The following ELMOD3 variants were observed in gnomAD, a reference collection of about 807,000 sequenced individuals.
ELMOD3 encodes the protein ELMO domain-containing protein 3.
A neutral mutation model predicts 47.4 loss-of-function variants in ELMOD3; 36 were observed. That is an observed-to-expected ratio of 0.76 (90% CI 0.58 to 1.00). The LOEUF is 1.00. Among genes scored for constraint, ELMOD3 ranks in the 50% least tolerant of loss-of-function variants. ELMOD3 has a pLI of 0.00. For synonymous variants in ELMOD3, 149 were observed against 183.5 expected, an observed-to-expected ratio of 0.81 and a Z score of 1.52; for missense variants, 404 against 463.8, an observed-to-expected ratio of 0.87 and a Z score of 1.18.
In ELMOD3 at chr2:85,390,606, C is replaced by G. The variant is rs547586185; in HGVS notation, c.944-154C>G. 2.1e-4 allele frequency: 315 copies of G among 1,524,728 alleles called. No homozygotes were observed. In the African/African-American group the frequency reaches 3.9e-3, roughly 19 times the overall value. 94.4% of individuals were successfully genotyped at this position (1,524,728 alleles called of 1,614,324 possible). A position where few individuals can be genotyped will look rare whatever the true frequency, so the allele number is the denominator to read the frequency against. ...GGCTGTAGCTGGCTCCCTAGCCTAC[C>G]TCTCTGGTGATCTCTCCATCTGAGG... On this transcript the variant is annotated intron_variant, in intron 13 of 13. Transcript: ENST00000409013.
chr2:85,369,180 T>C (rs1467326151), intron 7 of ELMOD3, among the ~76,000 whole-genome samples: 1 of 152,160 alleles, frequency 6.6e-6, no homozygotes, highest in Non-Finnish European at 1.5e-5. Flanking sequence ...TGAGTAAAAA[T>C]TGTCTCCTGT....
chr2:85,363,892 A>G (rs1184935194), intron 6 of ELMOD3, among the ~76,000 whole-genome samples: 1 of 152,166 alleles, frequency 6.6e-6, no homozygotes, highest in Non-Finnish European at 1.5e-5. Context: ...CCCACAGCAC[A>G]TGGGAATTAT....
Position 85,369,833 on chromosome 2 carries a change from A to G in ELMOD3, c.360+3A>G, listed in dbSNP as rs1261570637. 3.7e-6 allele frequency: 6 copies of G among 1,613,782 alleles called. No homozygotes were observed. Among genetic ancestry groups the G allele is most frequent in the East Asian group, 2.2e-5 (1 of 44,882 alleles). On this transcript the variant is annotated splice_donor_region_variant and intron_variant, in intron 8 of 13. Coordinates refer to ENST00000409013, the MANE Select transcript of ELMOD3 (RefSeq NM_001135022.2). ...CTGTGGACCTTTCCCCCTTCAAGGT[A>G]TGAGGGTAGCAGGGTTTGGAGTCTC... is the stretch of plus-strand genomic sequence containing the variant.
At chr2:85,357,472 G>C (rs951938642) in intron 4 of ELMOD3, 2 of 390,146 alleles carry the variant, frequency 5.1e-6, no homozygotes, top group African/African-American at 4.2e-5. Context: ...CTTTTTGCTT[G>C]GGTAGTGGGG....
At chr2:85,374,080 C>G (rs1451481375) in intron 10 of ELMOD3, among the ~76,000 whole-genome samples, 1 of 151,870 alleles carries the variant, frequency 6.6e-6, no homozygotes, top group Non-Finnish European at 1.5e-5. Flanking sequence ...GTTGACAGTT[C>G]TTTTTTTTCA....
Position 85,389,505 on chromosome 2 carries a change from C to G in ELMOD3, c.739-246C>G, listed in dbSNP as rs1573159514. The G allele has an allele frequency of 8.8e-6, 5 of 569,124 alleles. No homozygotes were observed. The East Asian group carries it at 1.5e-4, about 17-fold the overall frequency. The allele number at this position is 569,124 out of a possible 1,614,324, so 35.3% of individuals were successfully genotyped here. ...AGCACGGGGGTTATGCACATCAGCTCTGGAGCAAATAACCTCAGTTGGTAT... is the reference window on the plus strand; with the variant it reads ...AGCACGGGGGTTATGCACATCAGCTGTGGAGCAAATAACCTCAGTTGGTAT... On this transcript the variant is annotated intron_variant, in intron 11 of 13. Transcript: ENST00000409013.
chr2:85,390,052 G>C lies in ELMOD3; in HGVS notation c.816-86G>C, dbSNP rs199512942. 3,137 of 1,391,914 alleles carry C rather than the reference G, an allele frequency of 2.3e-3. 7 individuals are homozygous for C. The highest frequency in any genetic ancestry group is 2.9e-3 in the Non-Finnish European group (2,871 of 977,966). 86.2% of individuals were successfully genotyped at this position (1,391,914 alleles called of 1,614,324 possible). ...ATCCTGGGTTTGGGCTGGCTCCCCT[G>C]GGGAAATGGGGAAGGAAGGCGGGAG... On this transcript the variant is annotated intron_variant, in intron 12 of 13. Coordinates refer to ENST00000409013, the MANE Select transcript of ELMOD3 (RefSeq NM_001135022.2).
At position 85,390,968 on chromosome 2, in the gene ELMOD3, G is replaced by A. The variant is rs531300722; in HGVS notation, c.*6G>A. The stretch of plus-strand genomic sequence containing the variant: ...AAGGCGTATGGCTGATCTGACCTCC[G>A]AGATGAATGGAGGCTTAAAGGCTGA... On this transcript the variant is annotated 3_prime_UTR_variant, in exon 14 of 14. Transcript: ENST00000409013. The A allele has an allele frequency of 6.6e-5, 103 of 1,549,216 alleles. No homozygotes were observed. In the East Asian group the frequency reaches 2.3e-3, roughly 35 times the overall value.
chr2:85,383,182 G>A (rs1685706130), intron 11 of ELMOD3, among the ~76,000 whole-genome samples: 2 of 151,612 alleles, frequency 1.3e-5, no homozygotes, highest in South Asian at 4.2e-4. Flanking sequence ...AGGCTGGAGT[G>A]CAGTGGCGTA....
At chr2:85,368,823 C>A in intron 7 of ELMOD3, 69 bp downstream of exon 7, 1 of 1,524,702 alleles carries the variant, frequency 6.6e-7, no homozygotes, top group Non-Finnish European at 9.1e-7. Flanking sequence ...ACACATGTGG[C>A]AAATGTTTCT....
chr2:85,367,215 A>C (rs1684448394), intron 6 of ELMOD3, among the ~76,000 whole-genome samples: 1 of 151,956 alleles, frequency 6.6e-6, no homozygotes, highest in South Asian at 2.1e-4. Flanking sequence ...TGACTACACT[A>C]TGATAAGCAC....
rs545829295 is a variant in ELMOD3, at chr2:85,381,897, C to T, written c.738+4423C>T. On this transcript the variant is annotated intron_variant, in intron 11 of 13. Coordinates refer to ENST00000409013, the MANE Select transcript of ELMOD3 (RefSeq NM_001135022.2). ...CTTTGGGAGGCCGAGGCAGGCAGAT[C>T]GTGAGGTCAGGAGATCAAGACCATC... Among the ~76,000 whole-genome samples, 7 of 152,054 alleles carry T rather than the reference C, an allele frequency of 4.6e-5. No homozygotes were observed. In the East Asian group the frequency reaches 9.7e-4, roughly 21 times the overall value.
Position 85,389,968 on chromosome 2 carries a change from G to A in ELMOD3, c.815+141G>A, listed in dbSNP as rs746659178. On this transcript the variant is annotated intron_variant, in intron 12 of 13. Coordinates refer to ENST00000409013, the MANE Select transcript of ELMOD3 (RefSeq NM_001135022.2). ...AAGTCCCCATGCACCGGTCTCCCCA[G>A]GACATCCCTTCTCCCACCCCTGGCC... is the stretch of plus-strand genomic sequence containing the variant. The A allele has an allele frequency of 9.4e-6, 10 of 1,059,138 alleles. No individual in the cohort carries two copies. The African/African-American group carries it at 1.1e-4, about 12-fold the overall frequency. The allele number at this position is 1,059,138 out of a possible 1,614,324, so 65.6% of individuals were successfully genotyped here.
intron 6 of ELMOD3, among the ~76,000 whole-genome samples, chr2:85,365,129 A>G (rs542642714): frequency 2.0e-4 from 30 of 150,478 alleles, no homozygotes; most frequent in African/African-American, 6.5e-4. Flanking sequence ...CTTTAAAAAA[A>G]AAAAAAAGTA....
chr2:85,367,289 C>A (rs1684454882), intron 6 of ELMOD3, among the ~76,000 whole-genome samples: 1 of 152,186 alleles, frequency 6.6e-6, no homozygotes, highest in Non-Finnish European at 1.5e-5. Context: ...AAGAAGGCAT[C>A]CAGGCGAGGA....
At chr2:85,385,715 G>T (rs768081529) in intron 11 of ELMOD3, among the ~76,000 whole-genome samples, 8 of 152,174 alleles carry the variant, frequency 5.3e-5, no homozygotes, top group Non-Finnish European at 1.2e-4. Context: ...TAGGTTTTAC[G>T]CTAGGTAAAA....
chr2:85,369,967 G>A, intron 8 of ELMOD3, 137 bp downstream of exon 8: 1 of 1,067,126 alleles, frequency 9.4e-7, no homozygotes, highest in African/African-American at 1.6e-5. Flanking sequence ...GGGTGGCCTA[G>A]GACCCATGCT....
rs575101629 is a variant in ELMOD3 at position 85,388,925 on chromosome 2, T to C, written c.739-826T>C. Among the ~76,000 whole-genome samples, 4 of 152,364 alleles carry C rather than the reference T, an allele frequency of 2.6e-5. No individual in the cohort carries two copies. In the South Asian group the frequency reaches 8.3e-4, roughly 32 times the overall value. On this transcript the variant is annotated intron_variant, in intron 11 of 13. Coordinates refer to ENST00000409013, the MANE Select transcript of ELMOD3 (RefSeq NM_001135022.2). Reference sequence around the variant, plus strand: ...TCTTGTTCTGTACTAAGGAATGCACTGGTCTATGTGTTCCTCTCACTGGGT... The same window carrying C: ...TCTTGTTCTGTACTAAGGAATGCACCGGTCTATGTGTTCCTCTCACTGGGT...
intron 5 of ELMOD3, 81 bp downstream of exon 5, chr2:85,362,341 G>T: frequency 1.1e-6 from 1 of 901,460 alleles, no homozygotes; most frequent in South Asian, 1.3e-5. Context: ...TGTGGTAGAC[G>T]CTGGGGACAC....
Sources: allele counts gnomAD v4.1 joint callset (sites outside exome capture counted in the v4.1 genomes callset), GRCh38; gene constraint gnomAD v4.1.1; transcripts MANE v1.5; gene names NCBI Gene and HGNC (gene_info 2026-07-23, HGNC 2026-07-21).